Variants in ARHGEF6 observed in about 807,000 individuals in gnomAD.
The protein encoded by ARHGEF6 is Rac/Cdc42 guanine nucleotide exchange factor 6, also known as rho guanine nucleotide exchange factor 6.
Under a neutral mutation model 70.3 loss-of-function variants are expected in ARHGEF6, and 9 were observed. The observed-to-expected ratio is 0.13, with a 90% CI of 0.08 to 0.22. The LOEUF (loss-of-function observed/expected upper bound fraction) is 0.22. Ranked by LOEUF, ARHGEF6 falls within the 10% of genes least tolerant of loss-of-function variation. ARHGEF6 has a pLI of 1.00. For missense variants in ARHGEF6, 470 were observed against 563.0 expected, an observed-to-expected ratio of 0.83 and a Z score of 1.67; for synonymous variants, 201 against 207.8, an observed-to-expected ratio of 0.97 and a Z score of 0.28.
intron 2 of ARHGEF6, among the ~76,000 whole-genome samples, chrX:136,770,327 G>A (rs1045959441): frequency 1.8e-5 from 2 of 112,083 alleles, no homozygotes; most frequent in African/African-American, 6.5e-5. Context: ...TTTAACAGAC[G>A]TAGAAAAAGC....
At chrX:136,725,518 A>G (rs2076844110) in intron 6 of ARHGEF6, among the ~76,000 whole-genome samples, 1 of 111,106 alleles carries the variant, frequency 9.0e-6, no homozygotes, top group Admixed American at 9.6e-5. Context: ...CAAAAGATCA[A>G]CTGATGAACT....
intron 21 of ARHGEF6, among the ~76,000 whole-genome samples, chrX:136,668,521 C>CTTATTATTA (rs1427684633): frequency 1.0e-5 from 1 of 98,896 alleles, no homozygotes; most frequent in East Asian, 3.0e-4. Context: ...ATTTCTTCTT[C>CTTATTATTA]TTCTTCTTCT....
At chrX:136,729,162 A>G (rs1474469384) in intron 6 of ARHGEF6, among the ~76,000 whole-genome samples, 2 of 105,371 alleles carry the variant, frequency 1.9e-5, no homozygotes, top group Admixed American at 2.1e-4. Flanking sequence ...GACTCATTAA[A>G]TGGAAGAGCA....
chrX:136,759,359 G>C (rs1396784778), intron 2 of ARHGEF6, among the ~76,000 whole-genome samples: 2 of 111,717 alleles, frequency 1.8e-5, no homozygotes, highest in Non-Finnish European at 3.8e-5. Flanking sequence ...TGCCTCTTAA[G>C]GCTGGCGCGG....
chrX:136,750,699 C>T (rs2077141102), intron 2 of ARHGEF6, among the ~76,000 whole-genome samples: 1 of 112,187 alleles, frequency 8.9e-6, no homozygotes, highest in Non-Finnish European at 1.9e-5. Context: ...AAAACATTTA[C>T]TCTAACCAAT....
intron 6 of ARHGEF6, among the ~76,000 whole-genome samples, chrX:136,730,396 C>T (rs1444805152): frequency 9.0e-6 from 1 of 111,322 alleles, no homozygotes; most frequent in Non-Finnish European, 1.9e-5. Context: ...CTATTCAAAG[C>T]CAGAGAAATG....
chrX:136,730,117 AT>A (rs2076920558), intron 6 of ARHGEF6, among the ~76,000 whole-genome samples: 1 of 110,789 alleles, frequency 9.0e-6, no homozygotes, highest in African/African-American at 3.3e-5. Flanking sequence ...TAAAAGAAAA[AT>A]GTTATTTCAT....
chrX:136,729,603 G>A (rs767266868), intron 6 of ARHGEF6, among the ~76,000 whole-genome samples: 4 of 108,447 alleles, frequency 3.7e-5, no homozygotes, highest in East Asian at 2.9e-4. Flanking sequence ...AGGCCAAGGC[G>A]GGCAGATAAC....
At chrX:136,731,092 G>A (rs1421046718) in intron 6 of ARHGEF6, among the ~76,000 whole-genome samples, 1 of 112,217 alleles carries the variant, frequency 8.9e-6, no homozygotes, top group Non-Finnish European at 1.9e-5. Flanking sequence ...CCTTGGAAAT[G>A]TAAGATAAAA....
chrX:136,676,867 G>GA, intron 17 of ARHGEF6, 150 bp from the exon 18 acceptor site: 2 of 484,588 alleles, frequency 4.1e-6, no homozygotes, highest in South Asian at 5.5e-5. Context: ...CAATTAAAAT[G>GA]GTTCCAATAA....
intron 12 of ARHGEF6, among the ~76,000 whole-genome samples, chrX:136,684,026 T>G (rs1355097782): frequency 6.2e-5 from 7 of 112,345 alleles, no homozygotes; most frequent in Non-Finnish European, 1.3e-4. Context: ...GCAAATTACT[T>G]GCTGCCTTCA....
At chrX:136,755,823 T>G (rs1190734760) in intron 2 of ARHGEF6, among the ~76,000 whole-genome samples, 1 of 112,028 alleles carries the variant, frequency 8.9e-6, no homozygotes, top group South Asian at 3.7e-4. Context: ...TATTAAAAGG[T>G]AGGCTCTTTG....
intron 18 of ARHGEF6, 63 bp downstream of exon 18, chrX:136,676,561 A>C: frequency 1.0e-6 from 1 of 960,530 alleles, no homozygotes; most frequent in Non-Finnish European, 1.5e-6. Flanking sequence ...AAATCCTCAC[A>C]TAAAAGAAGA....
chrX:136,767,334 G>C (rs1259922029), intron 2 of ARHGEF6: 16 of 753,812 alleles, frequency 2.1e-5, no homozygotes, highest in Non-Finnish European at 2.3e-5. Flanking sequence ...GCCGCCACCA[G>C]GGCGAAACTG....
At chrX:136,716,971 A>G (rs891331904) in intron 6 of ARHGEF6, among the ~76,000 whole-genome samples, 1 of 111,471 alleles carries the variant, frequency 9.0e-6, no homozygotes, top group Non-Finnish European at 1.9e-5. Flanking sequence ...ATATGAAAGA[A>G]CTGTGGGACA....
chrX:136,777,835 C>T (rs763447516), intron 2 of ARHGEF6, among the ~76,000 whole-genome samples: 73 of 109,368 alleles, frequency 6.7e-4, no homozygotes, highest in Non-Finnish European at 1.2e-3. Flanking sequence ...ATGGCATTCA[C>T]GACAACCTGG....
chrX:136,745,327 A>T lies in ARHGEF6; in HGVS notation c.355T>A (p.Cys119Ser), dbSNP rs766041367. The stretch of plus-strand genomic sequence containing the variant: ...GCACTAAGAGAAGAGGAACGTCCAC[A>T]TGGTCTTTCTGATAGCTGATCTGTG... ...ATEDQLSERP[C>S]GRSSSLSAAN... The change falls in exon 4 of 22, where the codon TGT (cysteine) becomes AGT (serine). Residue 119 changes from cysteine (C) to serine (S), a missense_variant. Transcript: ENST00000250617. The T allele has an allele frequency of 8.3e-7, 1 of 1,211,641 alleles. No homozygotes were observed. The highest frequency in any genetic ancestry group is 3.0e-5 in the East Asian group (1 of 33,863).
chrX:136,694,291 G>A (rs1432106973), intron 9 of ARHGEF6, among the ~76,000 whole-genome samples: 1 of 111,915 alleles, frequency 8.9e-6, no homozygotes, highest in Non-Finnish European at 1.9e-5. Context: ...GACCTCCAGT[G>A]ATCCACCTGC....
At chrX:136,678,025 T>C in intron 16 of ARHGEF6, 69 bp from the exon 17 acceptor site, 2 of 922,811 alleles carry the variant, frequency 2.2e-6, no homozygotes, top group Non-Finnish European at 3.1e-6. Flanking sequence ...CCAAATCCAC[T>C]TATCAATAAT....
Sources: gnomAD v4.1 joint callset for allele counts (sites outside exome capture counted in the v4.1 genomes callset) on GRCh38, gnomAD v4.1.1 for gene constraint, MANE v1.5 for transcripts, NCBI Gene and HGNC (gene_info 2026-07-23, HGNC 2026-07-21) for gene names.